The following RFX3 variants were observed in gnomAD, a reference collection of about 807,000 sequenced individuals.
RFX3 encodes the protein regulatory factor X3.
Under a neutral mutation model 98.6 loss-of-function variants are expected in RFX3, and 14 were observed. The observed-to-expected ratio is 0.14, with a 90% CI of 0.09 to 0.22. RFX3 has a LOEUF of 0.22. Among genes scored for constraint, RFX3 ranks in the 10% least tolerant of loss-of-function variants. The pLI is 1.00. For missense variants in RFX3, 639 were observed against 926.9 expected (o/e 0.69, Z 4.03); for synonymous variants, 383 against 328.4 (o/e 1.17, Z -1.80).
At chr9:3,522,171 A>T (rs1818784996) in intron 1 of RFX3, among the ~76,000 whole-genome samples, 1 of 152,204 alleles carries the variant, frequency 6.6e-6, no homozygotes, top group South Asian at 2.1e-4. Context: ...GCAGTAAAAA[A>T]TGAAAGTGAC....
At chr9:3,403,030 A>G (rs1841622439) in intron 1 of RFX3, among the ~76,000 whole-genome samples, 1 of 152,092 alleles carries the variant, frequency 6.6e-6, no homozygotes, top group African/African-American at 2.4e-5. Context: ...TGTATTTTAA[A>G]CATATGTTTA....
intron 4 of RFX3, among the ~76,000 whole-genome samples, chr9:3,322,924 C>T (rs1232594671): frequency 1.3e-5 from 2 of 152,072 alleles, no homozygotes; most frequent in Non-Finnish European, 2.9e-5. Flanking sequence ...TTTGAAAGCA[C>T]AATTAAACAT....
At chr9:3,299,127 T>A (rs1426532003) in intron 5 of RFX3, among the ~76,000 whole-genome samples, 1 of 151,750 alleles carries the variant, frequency 6.6e-6, no homozygotes, top group East Asian at 1.9e-4. Context: ...TAACATAGTT[T>A]ACTAACATTT....
At chr9:3,371,961 T>C in intron 2 of RFX3, among the ~76,000 whole-genome samples, 1 of 152,196 alleles carries the variant, frequency 6.6e-6, no homozygotes, top group East Asian at 1.9e-4. Context: ...AATTCATATC[T>C]TTGAAAATGT....
intron 15 of RFX3, among the ~76,000 whole-genome samples, chr9:3,239,200 T>A (rs1217541968): frequency 6.6e-6 from 1 of 152,200 alleles, no homozygotes; most frequent in East Asian, 1.9e-4. Flanking sequence ...GATACATGGT[T>A]TTGCAAGCGA....
intron 3 of RFX3, among the ~76,000 whole-genome samples, chr9:3,335,358 A>G (rs1461153259): frequency 6.6e-6 from 1 of 152,174 alleles, no homozygotes; most frequent in Non-Finnish European, 1.5e-5. Flanking sequence ...GTTCTTTTTT[A>G]GGTACTAGAA....
intron 2 of RFX3, among the ~76,000 whole-genome samples, chr9:3,349,105 T>C (rs375836128): frequency 6.6e-6 from 1 of 152,064 alleles, no homozygotes; most frequent in Non-Finnish European, 1.5e-5. Context: ...TATCATAAAT[T>C]CATAGTAATT....
At chr9:3,425,139 A>G (rs1433390345) in intron 1 of RFX3, among the ~76,000 whole-genome samples, 4 of 152,188 alleles carry the variant, frequency 2.6e-5, no homozygotes, top group Non-Finnish European at 4.4e-5. Context: ...TTGGGAGGCT[A>G]AAGTGGGAAG....
chr9:3,401,184 T>C (rs1564052041), intron 1 of RFX3, among the ~76,000 whole-genome samples: 2 of 152,202 alleles, frequency 1.3e-5, no homozygotes, highest in Admixed American at 6.5e-5. Flanking sequence ...TCCAGAGGCA[T>C]TTTTAGTGAT....
At chr9:3,408,597 C>CTG (rs1021266301) in intron 1 of RFX3, among the ~76,000 whole-genome samples, 7 of 150,280 alleles carry the variant, frequency 4.7e-5, no homozygotes, top group African/African-American at 1.7e-4. Context: ...GTCTCTGTCT[C>CTG]TCTCTCTCTC....
chr9:3,271,135 T>C lies in RFX3; in HGVS notation c.1087-17A>G. On this transcript the variant is annotated splice_polypyrimidine_tract_variant and intron_variant, in intron 9 of 16. Coordinates refer to ENST00000617270, the MANE Select transcript of RFX3 (RefSeq NM_001282116.2). The stretch of plus-strand genomic sequence containing the variant: ...CAATATTGCCTAAAAAACAAAATGG[T>C]ACCAGTATTACCTTACAATATTATT... 6.3e-7 allele frequency: 1 copy of C among 1,598,882 alleles called. No individual in the cohort carries two copies. Among genetic ancestry groups the C allele is most frequent in the Non-Finnish European group, 8.6e-7 (1 of 1,166,446 alleles).
intron 9 of RFX3, among the ~76,000 whole-genome samples, chr9:3,273,119 G>T (rs1824719834): frequency 6.6e-6 from 1 of 151,990 alleles, no homozygotes. Flanking sequence ...AAATATATAG[G>T]CAAATATAAA....
intron 1 of RFX3, among the ~76,000 whole-genome samples, chr9:3,506,364 T>C (rs1039621670): frequency 2.6e-5 from 4 of 151,800 alleles, no homozygotes; most frequent in African/African-American, 9.7e-5. Flanking sequence ...ATACTACTGG[T>C]TGCCTTGGTG....
chr9:3,233,717 G>C (rs1400674500), intron 15 of RFX3, among the ~76,000 whole-genome samples: 1 of 152,182 alleles, frequency 6.6e-6, no homozygotes, highest in Admixed American at 6.5e-5. Context: ...TTAATTCTTT[G>C]TAAGCACAGC....
At chr9:3,293,337 T>C (rs1827614345) in intron 5 of RFX3, 79 bp from the exon 6 acceptor site, 2 of 991,180 alleles carry the variant, frequency 2.0e-6, no homozygotes, top group Non-Finnish European at 3.0e-6. Flanking sequence ...AAATGCAACA[T>C]ACAGAAATAC....
At chr9:3,295,485 G>T (rs570034210) in intron 5 of RFX3, among the ~76,000 whole-genome samples, 8 of 151,898 alleles carry the variant, frequency 5.3e-5, no homozygotes, top group Non-Finnish European at 1.2e-4. Flanking sequence ...ATAGGTTCTT[G>T]ATATCAAGGA....
intron 1 of RFX3, among the ~76,000 whole-genome samples, chr9:3,470,416 G>A (rs905938620): frequency 1.3e-5 from 2 of 150,828 alleles, no homozygotes; most frequent in Non-Finnish European, 3.0e-5. Context: ...CCGGGTTCAC[G>A]CCATTCTCCT....
chr9:3,510,063 A>G (rs1484062949), intron 1 of RFX3, among the ~76,000 whole-genome samples: 1 of 151,702 alleles, frequency 6.6e-6, no homozygotes, highest in Non-Finnish European at 1.5e-5. Context: ...ATTTGGAAAC[A>G]TGTGTGACTC....
chr9:3,353,583 A>C (rs1835408953), intron 2 of RFX3, among the ~76,000 whole-genome samples: 1 of 152,024 alleles, frequency 6.6e-6, no homozygotes, highest in Admixed American at 6.6e-5. Flanking sequence ...AGAAGGAGTA[A>C]AGCCTTAGTA....
Sources: allele counts gnomAD v4.1 joint callset (sites outside exome capture counted in the v4.1 genomes callset), GRCh38; gene constraint gnomAD v4.1.1; transcripts MANE v1.5; gene names NCBI Gene and HGNC (gene_info 2026-07-23, HGNC 2026-07-21).